The following TASP1 variants were observed in gnomAD, a reference collection of about 807,000 sequenced individuals.
The protein encoded by TASP1 is threonine aspartase 1.
Under a neutral mutation model 56.6 loss-of-function variants are expected in TASP1, and 16 were observed. That is an observed-to-expected ratio of 0.28 (90% CI 0.19 to 0.43). The LOEUF (loss-of-function observed/expected upper bound fraction) is 0.43, where lower values mean the gene tolerates loss of function less well. Among genes scored for constraint, TASP1 ranks in the 20% least tolerant of loss-of-function variants. The pLI is 1.00. For missense variants in TASP1, 393 were observed against 511.6 expected (o/e 0.77, Z 2.24); for synonymous variants, 179 against 184.2 (o/e 0.97, Z 0.23).
the TASP1 span, among the ~76,000 whole-genome samples, chr20:13,180,614 T>C: frequency 6.6e-6 from 1 of 152,162 alleles, no homozygotes; most frequent in Non-Finnish European, 1.5e-5. Flanking sequence ...GGCATAGCTC[T>C]TCAATGTTAA....
chr20:13,499,505 A>T (rs2043865229), intron 10 of TASP1, among the ~76,000 whole-genome samples: 1 of 151,982 alleles, frequency 6.6e-6, no homozygotes, highest in Non-Finnish European at 1.5e-5. Context: ...AAGGCAACGC[A>T]AGGCAAAGCT....
chr20:13,304,988 C>T, the TASP1 span, among the ~76,000 whole-genome samples: 4 of 152,192 alleles, frequency 2.6e-5, no homozygotes, highest in South Asian at 2.1e-4. Flanking sequence ...CATCACTTCA[C>T]GCTTAAATAC....
intron 4 of TASP1, among the ~76,000 whole-genome samples, chr20:13,610,139 G>A (rs1405983586): frequency 6.6e-6 from 1 of 152,240 alleles, no homozygotes; most frequent in Non-Finnish European, 1.5e-5. Context: ...ACTGCTTGAT[G>A]AGTATGAGGT....
intron 12 of TASP1, among the ~76,000 whole-genome samples, chr20:13,428,213 G>A (rs113709142): frequency 7.9e-5 from 12 of 152,258 alleles, no homozygotes; most frequent in African/African-American, 2.9e-4. Context: ...ACTTCATAGG[G>A]TCTATCAGGC....
chr20:13,571,233 T>C (rs954665107), intron 6 of TASP1, among the ~76,000 whole-genome samples: 2 of 152,214 alleles, frequency 1.3e-5, no homozygotes, highest in African/African-American at 2.4e-5. Flanking sequence ...ACTAACTATC[T>C]ACCCTTTCCT....
At chr20:13,329,534 T>C in the TASP1 span, among the ~76,000 whole-genome samples, 1 of 151,300 alleles carries the variant, frequency 6.6e-6, no homozygotes, top group Non-Finnish European at 1.5e-5. Flanking sequence ...AGCAAATAAA[T>C]ATAGTAATAT....
At chr20:13,269,156 C>G in the TASP1 span, among the ~76,000 whole-genome samples, 1 of 152,056 alleles carries the variant, frequency 6.6e-6, no homozygotes, top group Non-Finnish European at 1.5e-5. Context: ...CCAAAACATG[C>G]CCAAGAAAAA....
the TASP1 span, among the ~76,000 whole-genome samples, chr20:13,344,999 A>T: frequency 6.6e-6 from 1 of 152,040 alleles, no homozygotes; most frequent in East Asian, 1.9e-4. Context: ...TGTCCAGTTA[A>T]ACTGCTCCCT....
At chr20:13,555,256 C>T (rs1427988301) in intron 8 of TASP1, among the ~76,000 whole-genome samples, 1 of 151,578 alleles carries the variant, frequency 6.6e-6, no homozygotes, top group Non-Finnish European at 1.5e-5. Flanking sequence ...TGGTGGCGGG[C>T]GCCTGTAGTC....
chr20:13,487,215 C>A (rs951449303), intron 10 of TASP1, among the ~76,000 whole-genome samples: 3 of 152,164 alleles, frequency 2.0e-5, no homozygotes, highest in African/African-American at 2.4e-5. Context: ...ACCTTCATTT[C>A]TTTCCCCATT....
chr20:13,219,952 G>A, the TASP1 span, among the ~76,000 whole-genome samples: 1 of 152,196 alleles, frequency 6.6e-6, no homozygotes, highest in South Asian at 2.1e-4. Context: ...GGAAATTGGG[G>A]AGGGGGAAAG....
chr20:13,630,320 C>T (rs1036977819), intron 1 of TASP1, among the ~76,000 whole-genome samples, 168 bp from the exon 2 acceptor site: 1 of 151,926 alleles, frequency 6.6e-6, no homozygotes, highest in Admixed American at 6.6e-5. Context: ...TTTCTTATTC[C>T]CATTGAAGTC....
chr20:13,258,083 G>GTATTATAGC, the TASP1 span, among the ~76,000 whole-genome samples: 11 of 152,120 alleles, frequency 7.2e-5, no homozygotes, highest in East Asian at 1.9e-4. Context: ...GGAACGGGTG[G>GTATTATAGC]TATTATAGCT....
intron 12 of TASP1, among the ~76,000 whole-genome samples, chr20:13,434,454 C>G (rs563898971): frequency 6.6e-6 from 1 of 152,082 alleles, no homozygotes; most frequent in African/African-American, 2.4e-5. Flanking sequence ...TGGGTAGAAA[C>G]AAAACCACAC....
At chr20:13,532,217 T>G (rs2045248662) in intron 9 of TASP1, among the ~76,000 whole-genome samples, 1 of 152,196 alleles carries the variant, frequency 6.6e-6, no homozygotes, top group African/African-American at 2.4e-5. Flanking sequence ...CAAATTACCA[T>G]TCACCATCTG....
At chr20:13,220,448 G>C in the TASP1 span, among the ~76,000 whole-genome samples, 2 of 152,228 alleles carry the variant, frequency 1.3e-5, no homozygotes, top group Non-Finnish European at 1.5e-5. Flanking sequence ...GCCCGGGATC[G>C]ACAGCTGCGC....
chr20:13,635,513 G>A (rs1056070245), intron 1 of TASP1, among the ~76,000 whole-genome samples: 18 of 150,992 alleles, frequency 1.2e-4, no homozygotes, highest in African/African-American at 1.7e-4. Flanking sequence ...TCAGCCTCCT[G>A]AGTGGCCAGG....
At chr20:13,586,222 A>G (rs983418347) in intron 5 of TASP1, among the ~76,000 whole-genome samples, 4 of 151,910 alleles carry the variant, frequency 2.6e-5, no homozygotes, top group Admixed American at 1.3e-4. Context: ...CTACCAAAAG[A>G]CATGTAAAAT....
the TASP1 span, among the ~76,000 whole-genome samples, chr20:13,214,560 CACAGAGAG>C: frequency 1.7e-5 from 2 of 118,330 alleles, no homozygotes; most frequent in South Asian, 2.7e-4. Flanking sequence ...CACACACACA[CACAGAGAG>C]AGAGAGAGAG....
Sources: gnomAD v4.1 joint callset for allele counts (sites outside exome capture counted in the v4.1 genomes callset) on GRCh38, gnomAD v4.1.1 for gene constraint, MANE v1.5 for transcripts, NCBI Gene and HGNC (gene_info 2026-07-23, HGNC 2026-07-21) for gene names.